PRKN: variants seen among roughly 807,000 people sequenced by gnomAD.
PRKN encodes the protein parkin RBR E3 ubiquitin protein ligase.
In PRKN, 56 loss-of-function variants were observed where a neutral mutation model predicts 59.5. That is an observed-to-expected ratio of 0.94 (90% CI 0.76 to 1.18). The LOEUF (loss-of-function observed/expected upper bound fraction) is 1.18, where lower values mean the gene tolerates loss of function less well. PRKN is among the 50% of genes most tolerant of loss of function. The probability of loss-of-function intolerance (pLI) is 0.00; values close to 1 mark genes in which losing one functional copy is unlikely to be tolerated. For synonymous variants in PRKN, 250 were observed against 222.1 expected, an observed-to-expected ratio of 1.13 and a Z score of -1.12; for missense variants, 657 against 596.4, an observed-to-expected ratio of 1.10 and a Z score of -1.06.
chr6:161,771,737 G>T (rs1043845013), intron 7 of PRKN, among the ~76,000 whole-genome samples: 1 of 152,128 alleles, frequency 6.6e-6, no homozygotes, highest in Admixed American at 6.6e-5. Context: ...CTTGGTTTGG[G>T]TATTAGATAT....
chr6:162,403,196 G>A (rs1364110702), intron 2 of PRKN, among the ~76,000 whole-genome samples: 2 of 152,154 alleles, frequency 1.3e-5, no homozygotes, highest in East Asian at 1.9e-4. Context: ...ACCATCTGGC[G>A]CCTTTCGTCA....
chr6:162,488,044 T>TGG, intron 1 of PRKN, among the ~76,000 whole-genome samples: 1 of 150,718 alleles, frequency 6.6e-6, no homozygotes, highest in Non-Finnish European at 1.5e-5. Context: ...TTTTTTTTTT[T>TGG]TTTTTTTTGG....
At position 161,593,266 on chromosome 6, in the gene PRKN, T is replaced by A. The variant is rs1353711302; in HGVS notation, c.872-23850A>T. Among the ~76,000 whole-genome samples, 3 of 152,228 alleles carry A rather than the reference T, an allele frequency of 2.0e-5. No individual in the cohort carries two copies. Among genetic ancestry groups the A allele is most frequent in the Non-Finnish European group, 4.4e-5 (3 of 68,048 alleles). On this transcript the variant is annotated intron_variant, in intron 7 of 11. Transcript: ENST00000366898. The surrounding 1 kb of genome is among the most constrained non-coding windows in gnomAD (Gnocchi z 4.8). ...TGCTTCGCATGGATCACCTCCTTAGTCCTTACGGGCTGCTTTGAGTGTGAG... is the reference window on the plus strand; with the variant it reads ...TGCTTCGCATGGATCACCTCCTTAGACCTTACGGGCTGCTTTGAGTGTGAG...
rs1368943863 is a variant in PRKN at position 161,468,944 on chromosome 6, A to C, written c.1083+79910T>G. ...CCAAGGCAACTTCCTCCTACTTTAA[A>C]ACCCAGCAGTACACAAATGGGCGCT... On this transcript the variant is annotated intron_variant, in intron 9 of 11. Transcript: ENST00000366898. This position sits in a 1 kb window ranked among gnomAD's most constrained non-coding sequence, Gnocchi z 5.9. 6.6e-6 allele frequency among the ~76,000 whole-genome samples: 1 copy of C among 152,102 alleles called. No homozygotes were observed. Among genetic ancestry groups the C allele is most frequent in the Non-Finnish European group, 1.5e-5 (1 of 68,002 alleles).
At chr6:162,488,841 C>A (rs1792674378) in intron 1 of PRKN, among the ~76,000 whole-genome samples, 1 of 152,076 alleles carries the variant, frequency 6.6e-6, no homozygotes, top group Admixed American at 6.6e-5. Flanking sequence ...AAGGGTCCTG[C>A]CCTCATGGAG....
intron 6 of PRKN, among the ~76,000 whole-genome samples, chr6:161,838,800 T>G (rs1036237491): frequency 1.3e-5 from 2 of 152,204 alleles, no homozygotes; most frequent in African/African-American, 4.8e-5. Flanking sequence ...GCTTTCACCC[T>G]GAGCTCGCCC....
At chr6:162,437,685 G>T (rs1012092976) in intron 2 of PRKN, among the ~76,000 whole-genome samples, 3 of 152,040 alleles carry the variant, frequency 2.0e-5, no homozygotes, top group African/African-American at 7.2e-5. Context: ...TTCAGTGTAC[G>T]ATCTTTGGGG....
Position 161,575,715 on chromosome 6 carries a change from G to A in PRKN, c.872-6299C>T, listed in dbSNP as rs1781105532. The stretch of plus-strand genomic sequence containing the variant: ...GATGTGCTCCTGGCACTGGTCACAT[G>A]ACACAAATAATCTGCAATTTGCAGA... On this transcript the variant is annotated intron_variant, in intron 7 of 11. Transcript: ENST00000366898. The surrounding 1 kb of genome is among the most constrained non-coding windows in gnomAD (Gnocchi z 4.6). Among the ~76,000 whole-genome samples the A allele has an allele frequency of 6.6e-6, 1 of 152,194 alleles. No individual in the cohort carries two copies. The highest frequency in any genetic ancestry group is 2.4e-5 in the African/African-American group (1 of 41,450).
chr6:161,904,656 C>T (rs765793521), intron 6 of PRKN, among the ~76,000 whole-genome samples: 50 of 152,168 alleles, frequency 3.3e-4, no homozygotes, highest in Middle Eastern at 3.4e-3. Context: ...GAGGTAAGAC[C>T]GCAGGGGGTG....
rs187134044 is a variant in PRKN at position 161,348,414 on chromosome 6, T to C, written c.*1685A>G. ...CAGGTCTGTTGTCACCGTGGGGCCA[T>C]GTTGGAGTCGGTAGATTTTCAGACA... is the stretch of plus-strand genomic sequence containing the variant. On this transcript the variant is annotated 3_prime_UTR_variant, in exon 12 of 12. Transcript: ENST00000366898. This position sits in a 1 kb window ranked among gnomAD's most constrained non-coding sequence, Gnocchi z 4.9. 193 of 223,330 alleles carry C rather than the reference T, an allele frequency of 8.6e-4. No homozygotes were observed. The highest frequency in any genetic ancestry group is 1.5e-3 in the Non-Finnish European group (171 of 111,904). The allele number at this position is 223,330 out of a possible 1,614,324, so 13.8% of individuals were successfully genotyped here. A position where few individuals can be genotyped will look rare whatever the true frequency, so the allele number is the denominator to read the frequency against.
At position 161,552,787 on chromosome 6, in the gene PRKN, G is replaced by GTTGT. The variant is rs1554275446; in HGVS notation, c.934-3785_934-3784insACAA. ...TAAAAGACACCATGGTTTTGTTGTT[G>GTTGT]TTTTTGTTTTTTGTTTTTTTTTTTT... is the stretch of plus-strand genomic sequence containing the variant. On this transcript the variant is annotated intron_variant, in intron 8 of 11. Transcript: ENST00000366898. This position sits in a 1 kb window ranked among gnomAD's most constrained non-coding sequence, Gnocchi z 4.9. 1.6e-3 allele frequency among the ~76,000 whole-genome samples: 141 copies of GTTGT among 86,508 alleles called. 10 individuals are homozygous for GTTGT. Among genetic ancestry groups the GTTGT allele is most frequent in the Middle Eastern group, 6.9e-3 (1 of 144 alleles). The allele number at this position is 86,508 out of a possible 152,430, so 56.8% of individuals were successfully genotyped here.
chr6:161,998,668 C>A (rs1369267831), intron 5 of PRKN, among the ~76,000 whole-genome samples: 1 of 152,096 alleles, frequency 6.6e-6, no homozygotes, highest in East Asian at 1.9e-4. Flanking sequence ...CATTTATTTA[C>A]ACTTTCAATA....
In PRKN at chr6:161,353,866, A is replaced by T. The variant is rs980208785; in HGVS notation, c.1286-3655T>A. Among the ~76,000 whole-genome samples, 2 of 152,082 alleles carry T rather than the reference A, an allele frequency of 1.3e-5. No homozygotes were observed. Among genetic ancestry groups the T allele is most frequent in the African/African-American group, 4.8e-5 (2 of 41,408 alleles). ...CAGCGCCAGGGTTGAAGAGCAGGACACTCAGCCGGTGTCCACTGCAGAACT... is the reference window on the plus strand; with the variant it reads ...CAGCGCCAGGGTTGAAGAGCAGGACTCTCAGCCGGTGTCCACTGCAGAACT... On this transcript the variant is annotated intron_variant, in intron 11 of 11. Coordinates refer to ENST00000366898, the MANE Select transcript of PRKN (RefSeq NM_004562.3). This position sits in a 1 kb window ranked among gnomAD's most constrained non-coding sequence, Gnocchi z 4.8.
intron 2 of PRKN, among the ~76,000 whole-genome samples, chr6:162,412,412 C>A (rs1788397540): frequency 6.6e-6 from 1 of 151,894 alleles, no homozygotes; most frequent in South Asian, 2.1e-4. Flanking sequence ...ACTGTGGACA[C>A]CTAAGCCACC....
chr6:162,463,963 G>C (rs760754759), intron 1 of PRKN, among the ~76,000 whole-genome samples: 2 of 152,138 alleles, frequency 1.3e-5, no homozygotes, highest in Admixed American at 6.6e-5. Context: ...ACATTTTAAA[G>C]ATAAAAATAA....
At chr6:161,791,456 C>T (rs955639851) in intron 6 of PRKN, among the ~76,000 whole-genome samples, 2 of 152,182 alleles carry the variant, frequency 1.3e-5, no homozygotes, top group African/African-American at 4.8e-5. Flanking sequence ...ACTCTGCTGT[C>T]CACCTTGTTT....
At chr6:161,635,869 G>C (rs1165878067) in intron 7 of PRKN, among the ~76,000 whole-genome samples, 1 of 152,210 alleles carries the variant, frequency 6.6e-6, no homozygotes, top group African/African-American at 2.4e-5. Flanking sequence ...TAAAAATAAA[G>C]TAAATGTGTC....
chr6:162,507,143 C>T (rs183477318), intron 1 of PRKN, among the ~76,000 whole-genome samples: 1 of 152,250 alleles, frequency 6.6e-6, no homozygotes, highest in Admixed American at 6.5e-5. Flanking sequence ...TACTGAATTT[C>T]CATCCATTCC....
chr6:162,105,691 C>A (rs1221738054), intron 4 of PRKN, among the ~76,000 whole-genome samples: 1 of 152,196 alleles, frequency 6.6e-6, no homozygotes, highest in Non-Finnish European at 1.5e-5. Context: ...TGAGCCACTG[C>A]ACCCGGCCCA....
Sources: allele counts gnomAD v4.1 joint callset (sites outside exome capture counted in the v4.1 genomes callset), GRCh38; gene constraint gnomAD v4.1.1; non-coding constraint Gnocchi (gnomAD v3.1); transcripts MANE v1.5; gene names NCBI Gene and HGNC (gene_info 2026-07-23, HGNC 2026-07-21).